Variants in MRC2 observed in about 807,000 individuals in gnomAD.
The protein encoded by MRC2 is C-type mannose receptor 2.
In MRC2, 84 loss-of-function variants were observed where a neutral mutation model predicts 206.2. That is an observed-to-expected ratio of 0.41 (90% confidence interval 0.34 to 0.49). The LOEUF (loss-of-function observed/expected upper bound fraction) is 0.49. MRC2 is among the 20% of genes least tolerant of loss of function. The pLI is 0.31. For synonymous variants in MRC2, 798 were observed against 800.0 expected, an observed-to-expected ratio of 1.00 and a Z score of 0.04; for missense variants, 1,676 against 2,001.5, an observed-to-expected ratio of 0.84 and a Z score of 3.10.
chr17:62,682,510 T>C (rs2088981248), intron 20 of MRC2, 133 bp downstream of exon 20: 3 of 1,059,734 alleles, frequency 2.8e-6, no homozygotes, highest in Non-Finnish European at 2.6e-6. Context: ...CCAACTTCTC[T>C]TTCACCTGGC....
intron 24 of MRC2, 23 bp downstream of exon 24, chr17:62,689,783 C>A (rs752413905): frequency 6.5e-7 from 1 of 1,533,640 alleles, no homozygotes; most frequent in Non-Finnish European, 8.8e-7. Flanking sequence ...CACTTTTGCC[C>A]TGGGCCCCAG....
chr17:62,680,768 CCGCCGCTCCCACGCCCG>C lies in MRC2; in HGVS notation c.2474-28_2474-12del. The C allele has an allele frequency of 6.5e-7, 1 of 1,539,072 alleles. No homozygotes were observed. Among genetic ancestry groups the C allele is most frequent in the African/African-American group, 1.4e-5 (1 of 72,298 alleles). ...GGCCTGGCGTGCAGCCTCTGCCTGG[CCGCCGCTCCCACGCCCG>C]CGCTGCTCCTGCAGGCCGACGGGAA... is the stretch of plus-strand genomic sequence containing the variant. On this transcript the variant is annotated splice_polypyrimidine_tract_variant and intron_variant, in intron 16 of 29. Transcript: ENST00000303375. This position sits in a 1 kb window ranked among gnomAD's most constrained non-coding sequence, Gnocchi z 4.8.
chr17:62,675,809 C>T lies in MRC2; in HGVS notation c.1589C>T (p.Pro530Leu), dbSNP rs762675156. 3.7e-6 allele frequency: 6 copies of T among 1,614,182 alleles called. No individual in the cohort carries two copies. Among genetic ancestry groups the T allele is most frequent in the Non-Finnish European group, 5.1e-6 (6 of 1,180,014 alleles). The change falls in exon 10 of 30, where the codon CCA becomes CTA. Residue 530 changes from proline to leucine, a missense_variant. By Grantham distance (98) the Pro-to-Leu change is moderately conservative. Coordinates refer to ENST00000303375, the MANE Select transcript of MRC2 (RefSeq NM_006039.5). The surrounding 1 kb of genome is among the most constrained non-coding windows in gnomAD (Gnocchi z 4.1). The stretch of plus-strand genomic sequence containing the variant: ...AGCCAGGGTTGGACGTGGCACAGCC[C>T]ATCCTGCTACTGGCTGGGAGAAGAC... ...GCRKGWTWHS[P>L]SCYWLGEDQV...
At chr17:62,668,029 G>T (rs1309487891) in intron 6 of MRC2, among the ~76,000 whole-genome samples, 1 of 152,180 alleles carries the variant, frequency 6.6e-6, no homozygotes, top group Non-Finnish European at 1.5e-5. Flanking sequence ...ATGCAAAGGT[G>T]TGGAGGCCTA....
intron 1 of MRC2, among the ~76,000 whole-genome samples, chr17:62,647,090 C>G (rs760456768): frequency 2.0e-5 from 3 of 151,912 alleles, no homozygotes; most frequent in Non-Finnish European, 4.4e-5. Context: ...GGACACCCAA[C>G]TTTAAGAACA....
intron 20 of MRC2, 51 bp downstream of exon 20, chr17:62,682,428 C>G (rs1418121431): frequency 6.4e-7 from 1 of 1,557,452 alleles, no homozygotes; most frequent in East Asian, 2.3e-5. Flanking sequence ...AGGACGTGAA[C>G]AGGGAAAGGC....
At chr17:62,684,471 A>G (rs983540211) in intron 20 of MRC2, among the ~76,000 whole-genome samples, 2 of 152,164 alleles carry the variant, frequency 1.3e-5, no homozygotes, top group African/African-American at 4.8e-5. Flanking sequence ...ACTGACATTA[A>G]TCACTATGGA....
intron 1 of MRC2, among the ~76,000 whole-genome samples, chr17:62,628,998 G>T (rs115491860): frequency 8.7e-4 from 132 of 152,292 alleles, no homozygotes; most frequent in African/African-American, 3.0e-3. Context: ...TTGGCCTGGC[G>T]TGACGTAGGC....
At position 62,675,860 on chromosome 17, in the gene MRC2, G is replaced by A. The variant is rs755074437; in HGVS notation, c.1640G>A (p.Arg547His). The A allele has an allele frequency of 1.7e-5, 28 of 1,614,002 alleles. No individual in the cohort carries two copies. Among genetic ancestry groups the A allele is most frequent in the African/African-American group, 2.7e-5 (2 of 74,922 alleles). ...CAAGTGACCTACAGTGAGGCCCGGCGCCTGTGCACTGACCATGGCTCTCAG... is the reference window on the plus strand; with the variant it reads ...CAAGTGACCTACAGTGAGGCCCGGCACCTGTGCACTGACCATGGCTCTCAG... ...EDQVTYSEAR[R>H]LCTDHGSQLV... Residue 547 changes from arginine to histidine, a missense_variant, in exon 10 of 30, where the codon CGC (arginine) becomes CAC (histidine). This residue lies in a region of MRC2 where 1,354 missense variants were observed against 1,636.6 expected (regional missense o/e 0.83). Coordinates refer to ENST00000303375, the MANE Select transcript of MRC2 (RefSeq NM_006039.5). The surrounding 1 kb of genome is among the most constrained non-coding windows in gnomAD (Gnocchi z 4.1).
chr17:62,679,782 T>C lies in MRC2; in HGVS notation c.2196-18T>C. Reference sequence around the variant, plus strand: ...CACTTCCCATCTCTTCCGTCCCCACTCCTGGGTTGTGCTGAAGTGAATCAG... The same window carrying C: ...CACTTCCCATCTCTTCCGTCCCCACCCCTGGGTTGTGCTGAAGTGAATCAG... On this transcript the variant is annotated intron_variant, in intron 13 of 29. Transcript: ENST00000303375. The C allele has an allele frequency of 6.2e-7, 1 of 1,612,588 alleles. No homozygotes were observed. The highest frequency in any genetic ancestry group is 8.5e-7 in the Non-Finnish European group (1 of 1,179,234).
At chr17:62,651,671 T>A (rs1161806819) in intron 1 of MRC2, among the ~76,000 whole-genome samples, 1 of 151,914 alleles carries the variant, frequency 6.6e-6, no homozygotes, top group East Asian at 1.9e-4. Flanking sequence ...TCCTCCCGGG[T>A]TCAAGCAATT....
In MRC2 at chr17:62,657,012, G is replaced by A. The variant is rs969260571; in HGVS notation, c.119-7536G>A. On this transcript the variant is annotated intron_variant, in intron 1 of 29. Coordinates refer to ENST00000303375, the MANE Select transcript of MRC2 (RefSeq NM_006039.5). ...TTTATGTGTTCCAGGGGAGTTCTCTGATCAGCCCTGTTTGAGTTATGTGCC... is the reference window on the plus strand; with the variant it reads ...TTTATGTGTTCCAGGGGAGTTCTCTAATCAGCCCTGTTTGAGTTATGTGCC... Among the ~76,000 whole-genome samples the A allele has an allele frequency of 3.4e-4, 52 of 152,220 alleles. 1 individual carries two copies. The highest frequency in any genetic ancestry group is 1.0e-4 in the Non-Finnish European group (7 of 68,044).
At chr17:62,688,233 G>A (rs2089056491) in intron 20 of MRC2, 56 bp from the exon 21 acceptor site, 2 of 1,519,604 alleles carry the variant, frequency 1.3e-6, no homozygotes, top group East Asian at 4.6e-5. Flanking sequence ...TGGCCTTTCT[G>A]GGTTTGTGGA....
chr17:62,673,507 CTT>C (rs55974246), intron 8 of MRC2, among the ~76,000 whole-genome samples: 58,832 of 119,198 alleles, frequency 0.49, 11,437 homozygotes, highest in Middle Eastern at 0.52. Context: ...GACGCCTTTC[CTT>C]TTTTTTTTTT....
At chr17:62,660,956 G>A (rs528899865) in intron 1 of MRC2, among the ~76,000 whole-genome samples, 3 of 152,294 alleles carry the variant, frequency 2.0e-5, no homozygotes, top group Admixed American at 1.3e-4. Context: ...GCCATGAAGA[G>A]CATTATAATC....
chr17:62,640,905 T>C (rs2088394328), intron 1 of MRC2, among the ~76,000 whole-genome samples: 1 of 151,916 alleles, frequency 6.6e-6, no homozygotes, highest in Non-Finnish European at 1.5e-5. Context: ...GGTTTCACTG[T>C]GTTAGCCAGG....
At chr17:62,679,251 C>CA (rs2088931143) in intron 13 of MRC2, among the ~76,000 whole-genome samples, 1 of 152,178 alleles carries the variant, frequency 6.6e-6, no homozygotes, top group African/African-American at 2.4e-5. Flanking sequence ...TTATTTGTCT[C>CA]ATAATTACAA....
At chr17:62,644,469 A>C (rs943710500) in intron 1 of MRC2, among the ~76,000 whole-genome samples, 3 of 152,182 alleles carry the variant, frequency 2.0e-5, no homozygotes, top group African/African-American at 7.2e-5. Flanking sequence ...TCACGCCTGT[A>C]ATCTCAGCAC....
intron 1 of MRC2, among the ~76,000 whole-genome samples, chr17:62,653,079 A>G (rs1366749544): frequency 2.0e-5 from 3 of 152,008 alleles, no homozygotes; most frequent in Admixed American, 2.0e-4. Context: ...ACCCCCGGTG[A>G]GGAAGAGCCA....
Sources: gnomAD v4.1 joint callset for allele counts (sites outside exome capture counted in the v4.1 genomes callset) on GRCh38, gnomAD v4.1.1 for gene constraint, gnomAD v4.1.1 regional missense constraint, Gnocchi (gnomAD v3.1) non-coding constraint, MANE v1.5 for transcripts, NCBI Gene and HGNC (gene_info 2026-07-23, HGNC 2026-07-21) for gene names.